The following PRRG3 variants were observed in gnomAD, a reference collection of about 807,000 sequenced individuals.
PRRG3 encodes the protein transmembrane gamma-carboxyglutamic acid protein 3.
In PRRG3, 21 loss-of-function variants were observed where a neutral mutation model predicts 15.8. The ratio of observed to expected loss-of-function variants is 1.33; its 90% CI spans 0.94 to 1.92. The LOEUF (loss-of-function observed/expected upper bound fraction) is 1.92. Ranked by LOEUF, PRRG3 falls within the 40% of genes most tolerant of loss-of-function variation. The pLI, the probability that PRRG3 is intolerant of heterozygous loss-of-function variation, is 0.00. For missense variants in PRRG3, 251 were observed against 200.2 expected, an observed-to-expected ratio of 1.25 and a Z score of -1.53; for synonymous variants, 125 against 84.1, an observed-to-expected ratio of 1.49 and a Z score of -2.66.
At chrX:151,700,474 G>A (rs2014849015) in intron 3 of PRRG3, 32 bp from the exon 4 acceptor site, 2 of 1,159,492 alleles carry the variant, frequency 1.7e-6, no homozygotes, top group African/African-American at 1.8e-5. Context: ...TGGAGCTTGA[G>A]CTTCTCTTAA....
At chrX:151,694,673 C>T (rs1370883859), upstream of PRRG3, among the ~76,000 whole-genome samples, 4 of 103,172 alleles carry the variant, frequency 3.9e-5, no homozygotes, top group Non-Finnish European at 8.0e-5. Flanking sequence ...CCTGGCAAGG[C>T]AGGCCTAGGT....
chrX:151,697,573 G>A (rs1413239806), intron 1 of PRRG3, among the ~76,000 whole-genome samples: 1 of 111,840 alleles, frequency 8.9e-6, no homozygotes, highest in Non-Finnish European at 1.9e-5. Flanking sequence ...CCACATCGCA[G>A]GACAGAAGCA....
rs1056431502 is a variant in PRRG3 at position 151,702,050 on chromosome X, G to A, written c.*1017G>A. 3.6e-5 allele frequency: 4 copies of A among 112,007 alleles called. No homozygotes were observed. The highest frequency in any genetic ancestry group is 6.5e-5 in the African/African-American group (2 of 30,738). The allele number at this position is 112,007 out of a possible 1,213,427, so 9.2% of individuals were successfully genotyped here. ...GTTGCCAGGTGCCAGTCTGTTTTCA[G>A]TGAGGCTTTGGACAGCAGTGGGGCA... On this transcript the variant is annotated 3_prime_UTR_variant, in exon 4 of 4. Transcript: ENST00000674457.
chrX:151,703,808 G>A lies in PRRG3; in HGVS notation c.*2775G>A, dbSNP rs950020790. 1.1e-4 allele frequency: 10 copies of A among 94,807 alleles called. No individual in the cohort carries two copies. Among genetic ancestry groups the A allele is most frequent in the Non-Finnish European group, 1.0e-4 (5 of 49,223 alleles). The allele number at this position is 94,807 out of a possible 1,213,427, so 7.8% of individuals were successfully genotyped here. A position where few individuals can be genotyped will look rare whatever the true frequency, so the allele number is the denominator to read the frequency against. ...CATGGTGCCCCTGGCCCAGGCTTCTGTTCTGTGGGTGTCAGCAGCTGAAAG... is the reference window on the plus strand; with the variant it reads ...CATGGTGCCCCTGGCCCAGGCTTCTATTCTGTGGGTGTCAGCAGCTGAAAG... On this transcript the variant is annotated 3_prime_UTR_variant, in exon 4 of 4. Transcript: ENST00000674457.
At chrX:151,700,389 C>T (rs41302168) in intron 3 of PRRG3, 117 bp from the exon 4 acceptor site, 42,787 of 1,132,643 alleles carry the variant, frequency 0.038, 927 homozygotes, top group African/African-American at 0.15. Context: ...TGCTGCCTCT[C>T]TGGTAACTCT....
At position 151,704,749 on chromosome X, in the gene PRRG3, A is replaced by T. The variant is rs1252318827; in HGVS notation, c.*3716A>T. On this transcript the variant is annotated 3_prime_UTR_variant, in exon 4 of 4. Coordinates refer to ENST00000674457, the MANE Select transcript of PRRG3 (RefSeq NM_001372163.1). ...TAATGAAGCTCCATTTCAGGACTTC[A>T]TCGATTCCGAAACAAGCACAGCCCC... is the stretch of plus-strand genomic sequence containing the variant. 1 of 111,384 alleles carries T rather than the reference A, an allele frequency of 9.0e-6. No homozygotes were observed. The highest frequency in any genetic ancestry group is 2.8e-4 in the East Asian group (1 of 3,533). The allele number at this position is 111,384 out of a possible 1,213,427, so 9.2% of individuals were successfully genotyped here. A position where few individuals can be genotyped will look rare whatever the true frequency, so the allele number is the denominator to read the frequency against.
At chrX:151,698,918 C>A in intron 2 of PRRG3, 97 bp downstream of exon 2, 1 of 830,836 alleles carries the variant, frequency 1.2e-6, no homozygotes, top group Non-Finnish European at 1.7e-6. Flanking sequence ...GCCCCCTACC[C>A]CCCAAGTGGG....
chrX:151,694,965 G>A, upstream of PRRG3, among the ~76,000 whole-genome samples: 1 of 109,916 alleles, frequency 9.1e-6, no homozygotes, highest in Non-Finnish European at 1.9e-5. Context: ...GGCAGGGGCG[G>A]CGCCGGCAGA....
intron 1 of PRRG3, among the ~76,000 whole-genome samples, chrX:151,697,708 C>T (rs2014791708): frequency 9.2e-6 from 1 of 108,772 alleles, no homozygotes; most frequent in African/African-American, 3.4e-5. Context: ...GTCTTGCATC[C>T]AGTTAGTCAT....
In PRRG3 at chrX:151,703,809, T is replaced by A. The variant is rs2014924807; in HGVS notation, c.*2776T>A. 1 of 102,825 alleles carries A rather than the reference T, an allele frequency of 9.7e-6. No homozygotes were observed. Among genetic ancestry groups the A allele is most frequent in the Admixed American group, 1.1e-4 (1 of 9,321 alleles). 8.5% of individuals were successfully genotyped at this position (102,825 alleles called of 1,213,427 possible). On this transcript the variant is annotated 3_prime_UTR_variant, in exon 4 of 4. Coordinates refer to ENST00000674457, the MANE Select transcript of PRRG3 (RefSeq NM_001372163.1). ...ATGGTGCCCCTGGCCCAGGCTTCTG[T>A]TCTGTGGGTGTCAGCAGCTGAAAGA...
At chrX:151,698,261 A>G (rs773935771) in intron 1 of PRRG3, 1 of 112,307 alleles carries the variant, frequency 8.9e-6, no homozygotes, top group Non-Finnish European at 1.9e-5. Context: ...TTCAGGGAAC[A>G]TGCTTGTCAT....
chrX:151,703,856 G>GTTTTTTTTT lies in PRRG3; in HGVS notation c.*2823_*2824insTTTTTTTTT, dbSNP rs2014926064. 1.1e-4 allele frequency: 1 copy of GTTTTTTTTT among 8,955 alleles called. No individual in the cohort carries two copies. The highest frequency in any genetic ancestry group is 1.5e-4 in the African/African-American group (1 of 6,505). The allele number at this position is 8,955 out of a possible 1,213,427, so 0.7% of individuals were successfully genotyped here. A position where few individuals can be genotyped will look rare whatever the true frequency, so the allele number is the denominator to read the frequency against. ...AAGAAATCTGAGTACTCCTGGGCAT[G>GTTTTTTTTT]GTTTTTTTTTTTTTTTTTTTTTTTT... On this transcript the variant is annotated 3_prime_UTR_variant, in exon 4 of 4. Coordinates refer to ENST00000674457, the MANE Select transcript of PRRG3 (RefSeq NM_001372163.1).
intron 2 of PRRG3, among the ~76,000 whole-genome samples, chrX:151,699,337 C>T (rs760591655): frequency 5.3e-4 from 60 of 112,442 alleles, no homozygotes; most frequent in Non-Finnish European, 9.8e-4. Flanking sequence ...ATTCTGTGCC[C>T]CGTCTGTAAA....
chrX:151,701,271 T>C lies in PRRG3; in HGVS notation c.*238T>C, dbSNP rs1366458016. 6.9e-6 allele frequency: 2 copies of C among 290,506 alleles called. No homozygotes were observed. Among genetic ancestry groups the C allele is most frequent in the Non-Finnish European group, 1.2e-5 (2 of 166,103 alleles). The allele number at this position is 290,506 out of a possible 1,213,427, so 23.9% of individuals were successfully genotyped here. On this transcript the variant is annotated 3_prime_UTR_variant, in exon 4 of 4. Coordinates refer to ENST00000674457, the MANE Select transcript of PRRG3 (RefSeq NM_001372163.1). The stretch of plus-strand genomic sequence containing the variant: ...GCCAAAGGCCAAAGTGCCCAACTCT[T>C]TGGGATGACCCCCAAGCCTCCAACA...
intron 1 of PRRG3, among the ~76,000 whole-genome samples, chrX:151,697,703 G>A (rs190154030): frequency 4.6e-5 from 5 of 109,143 alleles, no homozygotes; most frequent in African/African-American, 1.7e-4. Context: ...CACGTGTCTT[G>A]CATCCAGTTA....
chrX:151,695,832 G>A (rs996183409), intron 1 of PRRG3, among the ~76,000 whole-genome samples: 24 of 111,527 alleles, frequency 2.2e-4, no homozygotes, highest in Non-Finnish European at 4.3e-4. Flanking sequence ...TCGTGTCACT[G>A]GGTGGGTCGA....
In PRRG3 at chrX:151,700,811, G is replaced by T; in HGVS notation, c.474G>T (p.Val158=). Residue 158 remains valine, a synonymous_variant, in exon 4 of 4, where the codon GTG becomes GTT. Transcript: ENST00000674457. ...HREAANSPQV[V]LGPSRGGRTT... Reference sequence around the variant, plus strand: ...AGGCAGCGAACAGCCCCCAGGTGGTGCTGGGGCCCAGTCGGGGGGGCAGGA... The same window carrying T: ...AGGCAGCGAACAGCCCCCAGGTGGTTCTGGGGCCCAGTCGGGGGGGCAGGA... 1 of 1,191,955 alleles carries T rather than the reference G, an allele frequency of 8.4e-7. No homozygotes were observed. The highest frequency in any genetic ancestry group is 1.1e-6 in the Non-Finnish European group (1 of 883,988).
chrX:151,697,098 C>CCTT (rs1569421537), intron 1 of PRRG3, among the ~76,000 whole-genome samples: 18 of 41,099 alleles, frequency 4.4e-4, no homozygotes, highest in African/African-American at 2.0e-3. Context: ...CTTCCTTCCT[C>CCTT]CCTCCCTCCC....
Position 151,701,047 on chromosome X carries a change from C to T in PRRG3, c.*14C>T. On this transcript the variant is annotated 3_prime_UTR_variant, in exon 4 of 4. Transcript: ENST00000674457. ...GCTGACAAGTAGTGGGACGTTTGTG[C>T]CCTGTCCTGGATGAACGCCTCTTTC... 9.0e-7 allele frequency: 1 copy of T among 1,116,589 alleles called. No individual in the cohort carries two copies. The highest frequency in any genetic ancestry group is 1.2e-6 in the Non-Finnish European group (1 of 847,595). 92.0% of individuals were successfully genotyped at this position (1,116,589 alleles called of 1,213,427 possible).
Sources: allele counts gnomAD v4.1 joint callset (sites outside exome capture counted in the v4.1 genomes callset), GRCh38; gene constraint gnomAD v4.1.1; transcripts MANE v1.5; gene names NCBI Gene and HGNC (gene_info 2026-07-23, HGNC 2026-07-21).